The following AKT3 variants were observed in gnomAD, a reference collection of about 807,000 sequenced individuals.
AKT3 encodes the protein RAC-gamma serine/threonine-protein kinase.
A neutral mutation model predicts 65.3 loss-of-function variants in AKT3; 15 were observed. The observed-to-expected ratio is 0.23, with a 90% CI of 0.15 to 0.35. AKT3 has a LOEUF of 0.35. AKT3 is among the 10% of genes least tolerant of loss of function. The pLI is 1.00. For synonymous variants in AKT3, 206 were observed against 183.8 expected, an observed-to-expected ratio of 1.12 and a Z score of -0.98; for missense variants, 243 against 576.5, an observed-to-expected ratio of 0.42 and a Z score of 5.92.
At position 243,729,972 on chromosome 1, in the gene AKT3, G is replaced by A. The variant is rs1687446255; in HGVS notation, c.47-34256C>T. ...ATTTCAGAAATAAAATTGTGATAGT[G>A]GCAGGAGGCAGACAAATTCCTAGGC... is the stretch of plus-strand genomic sequence containing the variant. On this transcript the variant is annotated intron_variant, in intron 2 of 13. Transcript: ENST00000673466. 4.6e-5 allele frequency among the ~76,000 whole-genome samples: 7 copies of A among 152,228 alleles called. No homozygotes were observed. In the South Asian group the frequency reaches 1.5e-3, roughly 32 times the overall value.
chr1:243,748,653 TAAATC>T (rs1688621888), intron 2 of AKT3, among the ~76,000 whole-genome samples: 3 of 152,136 alleles, frequency 2.0e-5, no homozygotes, highest in Admixed American at 2.0e-4. Flanking sequence ...ATAATAAAAA[TAAATC>T]AATAATGCAA....
chr1:243,714,145 C>G (rs1282384187), intron 2 of AKT3, among the ~76,000 whole-genome samples: 1 of 152,134 alleles, frequency 6.6e-6, no homozygotes, highest in African/African-American at 2.4e-5. Context: ...CTGAAATGCA[C>G]GCTAACAGTC....
At chr1:243,741,318 A>G (rs1688142086) in intron 2 of AKT3, among the ~76,000 whole-genome samples, 2 of 152,164 alleles carry the variant, frequency 1.3e-5, no homozygotes, top group Admixed American at 1.3e-4. Context: ...ACACTGAATC[A>G]CCCATTTCCA....
intron 8 of AKT3, among the ~76,000 whole-genome samples, chr1:243,595,656 C>T (rs1358288517): frequency 1.3e-5 from 2 of 151,986 alleles, no homozygotes; most frequent in Admixed American, 6.6e-5. Context: ...ACAGCATATA[C>T]GTTAGCCTAA....
intron 11 of AKT3, 57 bp downstream of exon 11, chr1:243,552,671 AT>A: frequency 1.4e-6 from 2 of 1,465,236 alleles, no homozygotes; most frequent in Non-Finnish European, 1.9e-6. Flanking sequence ...ATTAATTTCC[AT>A]ATCTCAATTT....
chr1:243,725,862 A>T (rs1053948829), intron 2 of AKT3, among the ~76,000 whole-genome samples: 20 of 152,216 alleles, frequency 1.3e-4, no homozygotes, highest in African/African-American at 4.6e-4. Flanking sequence ...TGGATAAGCA[A>T]TATATATGTT....
At chr1:243,686,991 A>C (rs1684373127) in intron 3 of AKT3, among the ~76,000 whole-genome samples, 1 of 151,898 alleles carries the variant, frequency 6.6e-6, no homozygotes, top group African/African-American at 2.4e-5. Flanking sequence ...TCCTCACTGT[A>C]AGCCTGTGAA....
In AKT3 at chr1:243,745,425, C is replaced by T. The variant is rs142472667; in HGVS notation, c.47-49709G>A. Among the ~76,000 whole-genome samples the T allele has an allele frequency of 5.9e-3, 894 of 152,252 alleles. 11 individuals carry two copies. The highest frequency in any genetic ancestry group is 0.02 in the African/African-American group (849 of 41,544). ...ATTATTTATTTTAAAATGATCAGAG[C>T]ATACTAAAAACATGTATGGATTTAG... On this transcript the variant is annotated intron_variant, in intron 2 of 13. Transcript: ENST00000673466.
chr1:243,664,707 G>C, intron 4 of AKT3, 65 bp downstream of exon 4: 1 of 690,358 alleles, frequency 1.4e-6, no homozygotes, highest in Non-Finnish European at 2.3e-6. Context: ...AATAAAGTCA[G>C]ATACAAATAC....
At chr1:243,716,919 CA>C (rs1686545837) in intron 2 of AKT3, among the ~76,000 whole-genome samples, 1 of 152,172 alleles carries the variant, frequency 6.6e-6, no homozygotes, top group South Asian at 2.1e-4. Context: ...ACACTTCATC[CA>C]AAGAATACAG....
At chr1:243,584,792 A>G (rs1334111298) in intron 8 of AKT3, among the ~76,000 whole-genome samples, 1 of 152,190 alleles carries the variant, frequency 6.6e-6, no homozygotes, top group African/African-American at 2.4e-5. Flanking sequence ...AGCCAACATC[A>G]TACTGAACAG....
intron 10 of AKT3, among the ~76,000 whole-genome samples, chr1:243,559,843 A>C (rs1246211452): frequency 1.3e-5 from 2 of 152,140 alleles, no homozygotes; most frequent in Non-Finnish European, 2.9e-5. Context: ...TACTACTTCT[A>C]GTACTGTCAC....
Position 243,745,681 on chromosome 1 carries a change from T to C in AKT3, c.47-49965A>G, listed in dbSNP as rs114241182. On this transcript the variant is annotated intron_variant, in intron 2 of 13. Coordinates refer to ENST00000673466, the MANE Select transcript of AKT3 (RefSeq NM_005465.7). ...CACAATTCACGAGCTTAAAACATTA[T>C]AGGATTTATTTTGATTTTTTTTTAG... 5.1e-3 allele frequency among the ~76,000 whole-genome samples: 780 copies of C among 152,234 alleles called. 9 individuals are homozygous for C. Among genetic ancestry groups the C allele is most frequent in the African/African-American group, 0.018 (739 of 41,540 alleles).
chr1:243,696,921 G>A (rs2148029234), intron 2 of AKT3, among the ~76,000 whole-genome samples: 2 of 151,938 alleles, frequency 1.3e-5, no homozygotes. Context: ...ACTGCTTACT[G>A]TAAAGTCCAG....
chr1:243,784,906 G>A (rs115113626), intron 2 of AKT3, among the ~76,000 whole-genome samples: 4,047 of 152,000 alleles, frequency 0.027, 81 homozygotes, highest in Middle Eastern at 0.14. Flanking sequence ...GACTACAGGA[G>A]TGCACCACCA....
chr1:243,550,759 C>T (rs1459479793), intron 11 of AKT3, among the ~76,000 whole-genome samples: 1 of 114,446 alleles, frequency 8.7e-6, no homozygotes, highest in Non-Finnish European at 1.7e-5. Flanking sequence ...TCCTGGCCAA[C>T]ATGGTGAAAC....
At position 243,595,068 on chromosome 1, in the gene AKT3, A is replaced by G. The variant is rs146415199; in HGVS notation, c.696+18603T>C. Among the ~76,000 whole-genome samples, 31 of 152,354 alleles carry G rather than the reference A, an allele frequency of 2.0e-4. No homozygotes were observed. In the East Asian group the frequency reaches 4.8e-3, roughly 24 times the overall value. ...TCATGCACTGCTTAATGATGGGGATACATTCTGAGAAATGTGCAATTAGAC... is the reference window on the plus strand; with the variant it reads ...TCATGCACTGCTTAATGATGGGGATGCATTCTGAGAAATGTGCAATTAGAC... On this transcript the variant is annotated intron_variant, in intron 8 of 13. Coordinates refer to ENST00000673466, the MANE Select transcript of AKT3 (RefSeq NM_005465.7).
intron 8 of AKT3, among the ~76,000 whole-genome samples, chr1:243,592,490 G>A (rs975615138): frequency 6.6e-6 from 1 of 152,046 alleles, no homozygotes; most frequent in Non-Finnish European, 1.5e-5. Flanking sequence ...GACACATGAA[G>A]CACAGAGGAA....
chr1:243,645,781 A>G (rs1680763644), intron 5 of AKT3, 112 bp downstream of exon 5: 2 of 1,072,890 alleles, frequency 1.9e-6, no homozygotes, highest in African/African-American at 1.6e-5. Flanking sequence ...ACCCACCAAT[A>G]TATTTACATA....
Sources: allele counts gnomAD v4.1 joint callset (sites outside exome capture counted in the v4.1 genomes callset), GRCh38; gene constraint gnomAD v4.1.1; transcripts MANE v1.5; gene names NCBI Gene and HGNC (gene_info 2026-07-23, HGNC 2026-07-21).